Variants in FAM161A observed in about 807,000 individuals in gnomAD.
FAM161A encodes the protein protein FAM161A.
FAM161A carries 57 observed loss-of-function variants against 70.9 expected under a neutral mutation model. The observed-to-expected ratio is 0.80, with a 90% CI of 0.65 to 1.00. FAM161A has a LOEUF of 1.00. FAM161A is among the 50% of genes least tolerant of loss of function. The pLI is 0.00. For missense variants in FAM161A, 880 were observed against 836.0 expected, an observed-to-expected ratio of 1.05 and a Z score of -0.65; for synonymous variants, 299 against 295.7, an observed-to-expected ratio of 1.01 and a Z score of -0.12.
chr2:61,845,327 C>A (rs1352766288), intron 1 of FAM161A, among the ~76,000 whole-genome samples: 8 of 152,134 alleles, frequency 5.3e-5, no homozygotes, highest in African/African-American at 1.9e-4. Flanking sequence ...AATTTTTCTC[C>A]TAAACCATGA....
At chr2:61,802,431 T>G in the FAM161A span, among the ~76,000 whole-genome samples, 1 of 152,176 alleles carries the variant, frequency 6.6e-6, no homozygotes, top group African/African-American at 2.4e-5. Context: ...TTGAAAAAAT[T>G]ACTCATCTCT....
the FAM161A span, among the ~76,000 whole-genome samples, chr2:61,806,818 G>A: frequency 1.1e-3 from 161 of 142,668 alleles, 3 homozygotes; most frequent in East Asian, 0.021. Context: ...TCAGCCTCCC[G>A]AGTAGCTGGG....
chr2:61,852,658 C>T (rs1673536379), intron 1 of FAM161A, among the ~76,000 whole-genome samples: 1 of 152,106 alleles, frequency 6.6e-6, no homozygotes, highest in African/African-American at 2.4e-5. Context: ...CAAAATCGGT[C>T]CTAGCACTCT....
the FAM161A span, among the ~76,000 whole-genome samples, chr2:61,807,535 T>C: frequency 6.6e-6 from 1 of 151,464 alleles, no homozygotes; most frequent in African/African-American, 2.4e-5. Flanking sequence ...CAAGCTCAGA[T>C]GCTTGCTGGG....
chr2:61,815,277 C>G, the FAM161A span, among the ~76,000 whole-genome samples: 138 of 152,236 alleles, frequency 9.1e-4, 2 homozygotes, highest in East Asian at 0.025. Context: ...AGAGATATTC[C>G]ATATAATTAC....
chr2:61,809,112 A>G, the FAM161A span, among the ~76,000 whole-genome samples: 134 of 152,138 alleles, frequency 8.8e-4, no homozygotes, highest in Non-Finnish European at 1.5e-3. Flanking sequence ...ACCTCAGGTG[A>G]TCCACCCACC....
intron 5 of FAM161A, among the ~76,000 whole-genome samples, chr2:61,828,432 G>T (rs1279251878): frequency 6.6e-6 from 1 of 151,978 alleles, no homozygotes; most frequent in African/African-American, 2.4e-5. Flanking sequence ...GGGCTCAAGC[G>T]ATCCTCCCAC....
chr2:61,842,371 GA>G lies in FAM161A; in HGVS notation c.184-12del. ...GGTGTTCAAATCAGCCTGGTGGGGA[GA>G]AAACACTTGATATATAGTGACTGGA... On this transcript the variant is annotated splice_polypyrimidine_tract_variant and intron_variant, in intron 1 of 6. Transcript: ENST00000404929. 1 of 1,481,640 alleles carries G rather than the reference GA, an allele frequency of 6.7e-7. No individual in the cohort carries two copies. Among genetic ancestry groups the G allele is most frequent in the Non-Finnish European group, 9.2e-7 (1 of 1,082,354 alleles). 91.8% of individuals were successfully genotyped at this position (1,481,640 alleles called of 1,614,324 possible).
chr2:61,852,195 C>A (rs1673521393), intron 1 of FAM161A, among the ~76,000 whole-genome samples: 1 of 151,628 alleles, frequency 6.6e-6, no homozygotes. Flanking sequence ...TTTGTAGGAT[C>A]CTGTCCTTTC....
intron 1 of FAM161A, among the ~76,000 whole-genome samples, chr2:61,849,713 A>G (rs1475586223): frequency 6.7e-6 from 1 of 149,330 alleles, no homozygotes; most frequent in Non-Finnish European, 1.5e-5. Context: ...TGAACCCAGG[A>G]GGCACAGGTC....
intron 1 of FAM161A, among the ~76,000 whole-genome samples, chr2:61,852,583 T>A: frequency 6.6e-6 from 1 of 152,208 alleles, no homozygotes; most frequent in Non-Finnish European, 1.5e-5. Context: ...TCTTCAATCC[T>A]TTTTCTCCAT....
the FAM161A span, among the ~76,000 whole-genome samples, chr2:61,814,771 G>T: frequency 6.6e-6 from 1 of 152,196 alleles, no homozygotes; most frequent in South Asian, 2.1e-4. Flanking sequence ...AATATTCACA[G>T]CTCCTCCTAC....
chr2:61,838,554 T>C lies in FAM161A; in HGVS notation c.1735A>G (p.Arg579Gly), dbSNP rs200052745. The C allele has an allele frequency of 6.2e-7, 1 of 1,605,348 alleles. No homozygotes were observed. The highest frequency in any genetic ancestry group is 8.5e-7 in the Non-Finnish European group (1 of 1,175,246). ...TCATGATACCTGAGACATTTTACTC[T>C]GGATTTAGATATTTGAGCTAAACTT... ...HQSLAQISKS[R>G]VKCLRKSEKE... Residue 579 changes from arginine to glycine, a missense_variant, in exon 4 of 7, where the codon AGA becomes GGA. By Grantham distance (125) the Arg-to-Gly change is moderately radical. Coordinates refer to ENST00000404929, the MANE Select transcript of FAM161A (RefSeq NM_001201543.2).
At chr2:61,813,695 C>T in the FAM161A span, among the ~76,000 whole-genome samples, 2 of 137,034 alleles carry the variant, frequency 1.5e-5, no homozygotes, top group African/African-American at 2.8e-5. Flanking sequence ...TTCCAACCTG[C>T]GTGACAGAGC....
At chr2:61,816,902 G>A in the FAM161A span, among the ~76,000 whole-genome samples, 2 of 152,308 alleles carry the variant, frequency 1.3e-5, no homozygotes, top group South Asian at 4.1e-4. Flanking sequence ...AAGCAGCTGG[G>A]AGTCAGTTGC....
At chr2:61,835,877 C>G in intron 5 of FAM161A, 133 bp downstream of exon 5, 1 of 739,288 alleles carries the variant, frequency 1.4e-6, no homozygotes, top group Non-Finnish European at 2.4e-6. Context: ...TATGATGAAG[C>G]CAACACAAAC....
chr2:61,839,402 C>T lies in FAM161A; in HGVS notation c.1583+19G>A. 2 of 1,613,684 alleles carry T rather than the reference C, an allele frequency of 1.2e-6. No homozygotes were observed. The highest frequency in any genetic ancestry group is 2.2e-5 in the East Asian group (1 of 44,874). ...TCTGGCAACCATGAGTCAGTCAGTA[C>T]TGCGTCCTACTTACTTACCTTACGG... On this transcript the variant is annotated intron_variant, in intron 3 of 6. Coordinates refer to ENST00000404929, the MANE Select transcript of FAM161A (RefSeq NM_001201543.2).
chr2:61,806,555 A>G, the FAM161A span, among the ~76,000 whole-genome samples: 1,678 of 152,262 alleles, frequency 0.011, 25 homozygotes, highest in African/African-American at 0.038. Context: ...TAGTTTTCAC[A>G]CAGATGAAAC....
the FAM161A span, among the ~76,000 whole-genome samples, chr2:61,806,678 G>GTTTTTTTTTT: frequency 3.7e-5 from 3 of 80,066 alleles, no homozygotes; most frequent in Non-Finnish European, 5.0e-5. Flanking sequence ...TGCTTTCCAC[G>GTTTTTTTTTT]TCTTTTTTTT....
Sources: gnomAD v4.1 joint callset for allele counts (sites outside exome capture counted in the v4.1 genomes callset) on GRCh38, gnomAD v4.1.1 for gene constraint, MANE v1.5 for transcripts, NCBI Gene and HGNC (gene_info 2026-07-23, HGNC 2026-07-21) for gene names.